Variants in CACNA1C observed in about 807,000 individuals in gnomAD.
CACNA1C encodes voltage-dependent L-type calcium channel subunit alpha-1C.
CACNA1C carries 30 observed loss-of-function variants against 229.0 expected under a neutral mutation model. The observed-to-expected ratio is 0.13, with a 90% CI of 0.10 to 0.18. The LOEUF is 0.18. CACNA1C is among the 10% of genes least tolerant of loss of function. The probability of loss-of-function intolerance (pLI) is 1.00; values close to 1 mark genes in which losing one functional copy is unlikely to be tolerated. For synonymous variants in CACNA1C, 1,114 were observed against 1,132.5 expected, an observed-to-expected ratio of 0.98 and a Z score of 0.33; for missense variants, 1,658 against 2,845.0, an observed-to-expected ratio of 0.58 and a Z score of 9.49.
At chr12:2,043,044 C>T (rs545173691) in intron 1 of CACNA1C, among the ~76,000 whole-genome samples, 12 of 152,244 alleles carry the variant, frequency 7.9e-5, no homozygotes, top group African/African-American at 2.9e-4. Flanking sequence ...CACTGTCACC[C>T]GTTTATCTGG....
intron 34 of CACNA1C, among the ~76,000 whole-genome samples, chr12:2,662,573 G>A (rs1052873942): frequency 6.6e-6 from 1 of 152,152 alleles, no homozygotes; most frequent in Non-Finnish European, 1.5e-5. Flanking sequence ...CAAATGAATT[G>A]ACATCTCAGT....
chr12:2,153,276 C>T (rs1433773412), intron 3 of CACNA1C, among the ~76,000 whole-genome samples: 6 of 152,202 alleles, frequency 3.9e-5, no homozygotes, highest in Non-Finnish European at 8.8e-5. Context: ...TTACAGAACT[C>T]TTTCTCCAAT....
chr12:2,086,792 C>G (rs1045979861), intron 1 of CACNA1C, among the ~76,000 whole-genome samples: 1 of 152,160 alleles, frequency 6.6e-6, no homozygotes, highest in Non-Finnish European at 1.5e-5. Flanking sequence ...TCTCACTGGC[C>G]CGGCCTGGAC....
intron 3 of CACNA1C, among the ~76,000 whole-genome samples, chr12:2,191,077 C>T (rs1254966146): frequency 1.3e-5 from 2 of 152,080 alleles, no homozygotes; most frequent in African/African-American, 4.8e-5. Context: ...GTGTGGTGCA[C>T]GTCAGCCATG....
chr12:2,143,045 G>A (rs1370852516), intron 3 of CACNA1C, among the ~76,000 whole-genome samples: 1 of 150,426 alleles, frequency 6.6e-6, no homozygotes, highest in African/African-American at 2.4e-5. Context: ...GTGCTATCTT[G>A]GCTCACTGCT....
intron 1 of CACNA1C, among the ~76,000 whole-genome samples, chr12:2,044,575 G>A (rs1004708441): frequency 6.6e-6 from 1 of 152,250 alleles, no homozygotes; most frequent in Non-Finnish European, 1.5e-5. Context: ...TACCGTTCCA[G>A]GAATGTAAAT....
chr12:2,260,417 A>G (rs2154401340), intron 3 of CACNA1C, among the ~76,000 whole-genome samples: 1 of 146,230 alleles, frequency 6.8e-6, no homozygotes, highest in East Asian at 2.2e-4. Flanking sequence ...TTGAGGTTGT[A>G]GTGAGCCATG....
Position 2,608,448 on chromosome 12 carries a change from G to A in CACNA1C, c.3357-63G>A, listed in dbSNP as rs973509707. The A allele has an allele frequency of 2.5e-5, 32 of 1,288,340 alleles. No individual in the cohort carries two copies. In the East Asian group the frequency reaches 2.5e-4, roughly 10 times the overall value. 79.8% of individuals were successfully genotyped at this position (1,288,340 alleles called of 1,614,324 possible). A position where few individuals can be genotyped will look rare whatever the true frequency, so the allele number is the denominator to read the frequency against. On this transcript the variant is annotated intron_variant, in intron 26 of 46. Coordinates refer to ENST00000399655, the MANE Select transcript of CACNA1C (RefSeq NM_000719.7). This position sits in a 1 kb window ranked among gnomAD's most constrained non-coding sequence, Gnocchi z 4.2. ...CTGGGATCCCTGGAGCAGTGGTGCC[G>A]TCCTTCCGCAGAGGGGACCCTGCTT... is the stretch of plus-strand genomic sequence containing the variant.
intron 1 of CACNA1C, among the ~76,000 whole-genome samples, chr12:2,001,952 G>C (rs74059696): frequency 6.6e-6 from 1 of 152,160 alleles, no homozygotes; most frequent in Non-Finnish European, 1.5e-5. Context: ...ACTGACAGCT[G>C]GAAAATACCA....
chr12:2,161,196 G>A (rs1015954758), intron 3 of CACNA1C, among the ~76,000 whole-genome samples: 1 of 152,206 alleles, frequency 6.6e-6, no homozygotes, highest in Non-Finnish European at 1.5e-5. Context: ...AATGGAAGGA[G>A]AGAATAATGA....
chr12:2,164,769 A>G (rs1450314510), intron 3 of CACNA1C, among the ~76,000 whole-genome samples: 2 of 152,206 alleles, frequency 1.3e-5, no homozygotes, highest in African/African-American at 4.8e-5. Context: ...CTTGTTAAGT[A>G]CCACTTTCTT....
chr12:2,246,187 T>G (rs2073132828), intron 3 of CACNA1C, among the ~76,000 whole-genome samples: 1 of 152,054 alleles, frequency 6.6e-6, no homozygotes, highest in Non-Finnish European at 1.5e-5. Context: ...TGGGGACAGT[T>G]AAGGTGAACA....
rs1343974635 is a variant in CACNA1C at position 2,410,741 on chromosome 12, C to T, written c.478-38235C>T. On this transcript the variant is annotated intron_variant, in intron 3 of 46. Transcript: ENST00000399655. The surrounding 1 kb of genome is among the most constrained non-coding windows in gnomAD (Gnocchi z 5.3). ...GTGCACGCATGTGTGTGTGTGCATG[C>T]GTGTGTGTATTCCAGGAGCTGACTC... Among the ~76,000 whole-genome samples, 4 of 148,182 alleles carry T rather than the reference C, an allele frequency of 2.7e-5. No homozygotes were observed. The highest frequency in any genetic ancestry group is 4.4e-5 in the Non-Finnish European group (3 of 67,416).
chr12:2,202,501 C>T (rs1311678387), intron 3 of CACNA1C, among the ~76,000 whole-genome samples: 1 of 152,222 alleles, frequency 6.6e-6, no homozygotes, highest in Non-Finnish European at 1.5e-5. Context: ...TAAGTCTTCT[C>T]TTGAATCATT....
intron 1 of CACNA1C, among the ~76,000 whole-genome samples, chr12:2,045,405 T>A (rs1343896197): frequency 1.3e-5 from 2 of 152,112 alleles, no homozygotes; most frequent in Admixed American, 1.3e-4. Context: ...ATCAGAATGG[T>A]CTTTGGGGTT....
rs180910038 is a variant in CACNA1C, at chr12:2,318,381, A to G, written c.478-130595A>G. On this transcript the variant is annotated intron_variant, in intron 3 of 46. Transcript: ENST00000399655. ...AAGGCGACAGCGGAGAATTCTCCCT[A>G]TTGTGCAGGGCAACCCTGTTGAGCC... Among the ~76,000 whole-genome samples the G allele has an allele frequency of 2.0e-5, 3 of 152,334 alleles. No individual in the cohort carries two copies. In the East Asian group the frequency reaches 5.8e-4, roughly 29 times the overall value.
chr12:2,667,880 G>A (rs181030382), intron 37 of CACNA1C, among the ~76,000 whole-genome samples: 3 of 152,186 alleles, frequency 2.0e-5, no homozygotes, highest in Non-Finnish European at 2.9e-5. Flanking sequence ...CATGCCCTTG[G>A]CATGGACGCT....
chr12:2,182,935 A>G (rs2096885265), intron 3 of CACNA1C, among the ~76,000 whole-genome samples: 1 of 152,194 alleles, frequency 6.6e-6, no homozygotes, highest in Non-Finnish European at 1.5e-5. Flanking sequence ...AGTCCACCGG[A>G]TGCCAGGTAA....
At chr12:2,660,976 C>T (rs2095687714) in intron 34 of CACNA1C, 1 of 151,938 alleles carries the variant, frequency 6.6e-6, no homozygotes, top group Admixed American at 6.6e-5. Flanking sequence ...ATAAGATTTT[C>T]ACCAGGCATG....
Sources: allele counts gnomAD v4.1 joint callset (sites outside exome capture counted in the v4.1 genomes callset), GRCh38; gene constraint gnomAD v4.1.1; non-coding constraint Gnocchi (gnomAD v3.1); transcripts MANE v1.5; gene names NCBI Gene and HGNC (gene_info 2026-07-23, HGNC 2026-07-21).